The following PARVA variants were observed in gnomAD, a reference collection of about 807,000 sequenced individuals.
PARVA encodes the protein parvin alpha.
In PARVA, 25 loss-of-function variants were observed where a neutral mutation model predicts 52.6. The ratio of observed to expected loss-of-function variants is 0.48; its 90% CI spans 0.35 to 0.66. The LOEUF (loss-of-function observed/expected upper bound fraction) is 0.66, where lower values mean the gene tolerates loss of function less well. Ranked by LOEUF, PARVA falls within the 30% of genes least tolerant of loss-of-function variation. The pLI is 0.01. For missense variants in PARVA, 373 were observed against 450.9 expected (o/e 0.83, Z 1.56); for synonymous variants, 185 against 179.1 (o/e 1.03, Z -0.26).
At chr11:12,517,300 CTG>C (rs1564869130) in intron 10 of PARVA, among the ~76,000 whole-genome samples, 2 of 133,866 alleles carry the variant, frequency 1.5e-5, no homozygotes, top group African/African-American at 5.8e-5. Flanking sequence ...AGGAGCCACA[CTG>C]ACCACCCCCC....
intron 10 of PARVA, among the ~76,000 whole-genome samples, chr11:12,516,273 T>C (rs1292746937): frequency 6.6e-6 from 1 of 152,240 alleles, no homozygotes; most frequent in Non-Finnish European, 1.5e-5. Context: ...CCAAGAAATG[T>C]GGCCTTCTCT....
chr11:12,504,106 G>C (rs1420404324), intron 5 of PARVA, among the ~76,000 whole-genome samples: 1 of 152,110 alleles, frequency 6.6e-6, no homozygotes, highest in Non-Finnish European at 1.5e-5. Flanking sequence ...ATGGCACTAA[G>C]CCATTCATGA....
At chr11:12,383,203 A>G (rs1939518675) in intron 1 of PARVA, among the ~76,000 whole-genome samples, 1 of 152,024 alleles carries the variant, frequency 6.6e-6, no homozygotes, top group African/African-American at 2.4e-5. Context: ...TGGGTTTTCA[A>G]TTCCATTTCT....
chr11:12,482,258 G>A (rs1158282194), intron 4 of PARVA, among the ~76,000 whole-genome samples: 1 of 152,044 alleles, frequency 6.6e-6, no homozygotes, highest in Non-Finnish European at 1.5e-5. Flanking sequence ...AGGCAGAAGT[G>A]TGTGAGAAGG....
At chr11:12,468,670 G>A (rs1027768020) in intron 1 of PARVA, among the ~76,000 whole-genome samples, 6 of 152,078 alleles carry the variant, frequency 3.9e-5, no homozygotes. Context: ...TGGTTCCAGG[G>A]GTTGTGGCTT....
chr11:12,462,502 G>A (rs1940796690), intron 1 of PARVA, among the ~76,000 whole-genome samples: 1 of 152,212 alleles, frequency 6.6e-6, no homozygotes, highest in East Asian at 1.9e-4. Context: ...CGCTAAGCCA[G>A]TAGAAAGGAA....
chr11:12,395,828 G>A (rs186378441), intron 1 of PARVA, among the ~76,000 whole-genome samples: 3 of 152,084 alleles, frequency 2.0e-5, no homozygotes, highest in Non-Finnish European at 4.4e-5. Flanking sequence ...GGTATTAAAC[G>A]TCCTAAATCA....
chr11:12,410,527 T>C (rs1404602859), intron 1 of PARVA, among the ~76,000 whole-genome samples: 1 of 152,244 alleles, frequency 6.6e-6, no homozygotes, highest in Non-Finnish European at 1.5e-5. Context: ...TCCGAAGGAT[T>C]GCTATACGAG....
rs184135336 is a variant in PARVA at position 12,473,827 on chromosome 11, G to A, written c.219G>A (p.Thr73=). The change falls in exon 2 of 13, where the codon ACG becomes ACA. Residue 73 remains threonine, a synonymous_variant. Coordinates refer to ENST00000334956, the MANE Select transcript of PARVA (RefSeq NM_018222.5). ...PIPFELDPED[T]MLEENEVRTM... ...CCTTTGAGCTGGACCCCGAGGACAC[G>A]ATGCTGGGTAACTGTGCTCTTGTCT... The A allele has an allele frequency of 9.6e-6, 15 of 1,569,412 alleles. No individual in the cohort carries two copies. In the Admixed American group the frequency reaches 1.3e-4, roughly 14 times the overall value.
At chr11:12,389,779 C>T (rs1232614442) in intron 1 of PARVA, among the ~76,000 whole-genome samples, 3 of 152,186 alleles carry the variant, frequency 2.0e-5, no homozygotes, top group African/African-American at 7.2e-5. Flanking sequence ...TATCTCATTG[C>T]ATCTCTGAAG....
At chr11:12,463,287 G>A (rs549883975) in intron 1 of PARVA, among the ~76,000 whole-genome samples, 1 of 152,016 alleles carries the variant, frequency 6.6e-6, no homozygotes, top group South Asian at 2.1e-4. Flanking sequence ...TCTTTAGCTT[G>A]TACTTAACAT....
At chr11:12,500,507 A>G (rs771945671) in intron 5 of PARVA, among the ~76,000 whole-genome samples, 15 of 152,160 alleles carry the variant, frequency 9.9e-5, no homozygotes, top group Non-Finnish European at 1.8e-4. Flanking sequence ...ATAGGCAAAA[A>G]GGCTGGGCGC....
intron 1 of PARVA, among the ~76,000 whole-genome samples, chr11:12,388,266 G>A (rs1313597505): frequency 6.6e-6 from 1 of 152,218 alleles, no homozygotes; most frequent in Non-Finnish European, 1.5e-5. Context: ...AGCTGAATGT[G>A]TGGATCACTA....
At position 12,531,420 on chromosome 11, in the gene PARVA, TAATTTTTC is replaced by T. The variant is rs1191632985; in HGVS notation, c.*3499_*3506del. 3.3e-5 allele frequency among the ~76,000 whole-genome samples: 5 copies of T among 152,198 alleles called. No homozygotes were observed. The highest frequency in any genetic ancestry group is 1.2e-4 in the African/African-American group (5 of 41,444). Reference sequence around the variant, plus strand: ...TTGCATCAACAGTATTCTGGAGCTGTAATTTTTCAATAACTAGACTCTGAGACATGTAT... The same window carrying T: ...TTGCATCAACAGTATTCTGGAGCTGTAATAACTAGACTCTGAGACATGTAT... On this transcript the variant is annotated 3_prime_UTR_variant, in exon 13 of 13. Coordinates refer to ENST00000334956, the MANE Select transcript of PARVA (RefSeq NM_018222.5).
At chr11:12,395,543 T>C (rs1222482814) in intron 1 of PARVA, among the ~76,000 whole-genome samples, 2 of 152,230 alleles carry the variant, frequency 1.3e-5, no homozygotes, top group Admixed American at 1.3e-4. Context: ...GGCTCTGCCC[T>C]GGCCAGATTG....
chr11:12,399,046 G>A (rs971641739), intron 1 of PARVA, among the ~76,000 whole-genome samples: 2 of 152,324 alleles, frequency 1.3e-5, no homozygotes, highest in African/African-American at 4.8e-5. Context: ...GAGAGGTTGA[G>A]CAACTAGCCC....
At chr11:12,393,279 A>C (rs1939688587) in intron 1 of PARVA, among the ~76,000 whole-genome samples, 1 of 152,154 alleles carries the variant, frequency 6.6e-6, no homozygotes, top group Admixed American at 6.5e-5. Context: ...TCTTCCTAAC[A>C]ACCTCACAAA....
intron 1 of PARVA, among the ~76,000 whole-genome samples, chr11:12,470,771 A>G (rs1940922983): frequency 6.6e-6 from 1 of 152,192 alleles, no homozygotes; most frequent in Non-Finnish European, 1.5e-5. Context: ...CTATGACCTG[A>G]GTATGATGGG....
intron 7 of PARVA, among the ~76,000 whole-genome samples, chr11:12,508,902 G>T (rs1371794288): frequency 1.3e-5 from 2 of 152,030 alleles, no homozygotes; most frequent in African/African-American, 4.8e-5. Flanking sequence ...CCAGGAAAAA[G>T]TGTGCCCAAA....
Sources: gnomAD v4.1 joint callset for allele counts (sites outside exome capture counted in the v4.1 genomes callset) on GRCh38, gnomAD v4.1.1 for gene constraint, MANE v1.5 for transcripts, NCBI Gene and HGNC (gene_info 2026-07-23, HGNC 2026-07-21) for gene names.